Variants in HECTD4 observed in about 807,000 individuals in gnomAD.
HECTD4 encodes the protein probable E3 ubiquitin-protein ligase HECTD4.
Under a neutral mutation model 471.5 loss-of-function variants are expected in HECTD4, and 114 were observed. That is an observed-to-expected ratio of 0.24 (90% CI 0.21 to 0.28). The LOEUF (loss-of-function observed/expected upper bound fraction) is 0.28. HECTD4 is among the 10% of genes least tolerant of loss of function. The pLI is 1.00. For synonymous variants in HECTD4, 2,012 were observed against 2,256.0 expected (o/e 0.89, Z 3.07); for missense variants, 3,866 against 5,651.5 (o/e 0.68, Z 10.13).
At chr12:112,275,055 C>T in intron 9 of HECTD4, 95 bp from the exon 10 acceptor site, 1 of 735,524 alleles carries the variant, frequency 1.4e-6, no homozygotes, top group Non-Finnish European at 2.2e-6. Context: ...AAAAATCACA[C>T]CCTTTTCTTG....
chr12:112,334,637 CAAAAAAAAAAA>C (rs869292531), intron 1 of HECTD4, among the ~76,000 whole-genome samples: 1 of 45,278 alleles, frequency 2.2e-5, no homozygotes, highest in Admixed American at 2.9e-4. Flanking sequence ...ACTAAAAATA[CAAAAAAAAAAA>C]AAAAAAAAAA....
intron 1 of HECTD4, among the ~76,000 whole-genome samples, chr12:112,375,691 C>CA (rs2036762881): frequency 6.6e-6 from 1 of 152,064 alleles, no homozygotes; most frequent in African/African-American, 2.4e-5. Flanking sequence ...AAATGCAATG[C>CA]AAAATGCAAT....
chr12:112,264,151 A>C lies in HECTD4; in HGVS notation c.2681T>G (p.Ile894Ser). The C allele has an allele frequency of 1.2e-6, 2 of 1,607,922 alleles. No individual in the cohort carries two copies. Among genetic ancestry groups the C allele is most frequent in the Non-Finnish European group, 1.7e-6 (2 of 1,177,084 alleles). Residue 894 changes from isoleucine (I) to serine (S), a missense_variant, in exon 17 of 76, where the codon ATT becomes AGT. Ile to Ser is a moderately radical substitution (Grantham distance 142). Coordinates refer to ENST00000682272, the MANE Select transcript of HECTD4 (RefSeq NM_001388303.1). ...AVQNHLLSNT[I>S]LIKPDENDDS... is the part of the protein sequence containing the mutation. ...ATCATTCTCATCAGGTTTAATCAAAATAGTGTTACTGAGAAGGTGATTCTG... is the reference window on the plus strand; with the variant it reads ...ATCATTCTCATCAGGTTTAATCAAACTAGTGTTACTGAGAAGGTGATTCTG...
At chr12:112,343,488 G>C (rs73209613) in intron 1 of HECTD4, among the ~76,000 whole-genome samples, 4,215 of 152,270 alleles carry the variant, frequency 0.028, 79 homozygotes, top group Non-Finnish European at 0.045. Flanking sequence ...AAAAAACTGA[G>C]GCTGTGCATG....
At chr12:112,230,928 A>T in intron 39 of HECTD4, 106 bp from the exon 40 acceptor site, 1 of 1,037,234 alleles carries the variant, frequency 9.6e-7, no homozygotes, top group Non-Finnish European at 1.4e-6. Context: ...TTTTTATACA[A>T]GAAAAAGTGG....
intron 7 of HECTD4, among the ~76,000 whole-genome samples, chr12:112,293,294 G>T (rs1240725429): frequency 6.6e-6 from 1 of 151,280 alleles, no homozygotes; most frequent in Non-Finnish European, 1.5e-5. Context: ...GAACATGGGA[G>T]GCGGAGGTTG....
At position 112,183,380 on chromosome 12, in the gene HECTD4, T is replaced by A; in HGVS notation, c.10780-114A>T. The A allele has an allele frequency of 3.6e-6, 3 of 831,148 alleles. No individual in the cohort carries two copies. The South Asian group carries it at 4.8e-5, about 13-fold the overall frequency. The allele number at this position is 831,148 out of a possible 1,614,324, so 51.5% of individuals were successfully genotyped here. On this transcript the variant is annotated intron_variant, in intron 61 of 75. Coordinates refer to ENST00000682272, the MANE Select transcript of HECTD4 (RefSeq NM_001388303.1). ...AACCCTCTATTCATCTGCAGAGATG[T>A]GAAAGCTGCCCTACTCTGGTGAGCT... is the stretch of plus-strand genomic sequence containing the variant.
chr12:112,282,313 G>A (rs1285411452), intron 8 of HECTD4, among the ~76,000 whole-genome samples: 1 of 152,118 alleles, frequency 6.6e-6, no homozygotes, highest in Non-Finnish European at 1.5e-5. Context: ...AACCTGGGAG[G>A]CGGAGCTTGC....
Position 112,163,372 on chromosome 12 carries a change from G to A in HECTD4, c.12898-108C>T, listed in dbSNP as rs145874584. 249 of 1,127,826 alleles carry A rather than the reference G, an allele frequency of 2.2e-4. 4 individuals are homozygous for A. The East Asian group carries it at 4.9e-3, about 22-fold the overall frequency. 69.9% of individuals were successfully genotyped at this position (1,127,826 alleles called of 1,614,324 possible). The stretch of plus-strand genomic sequence containing the variant: ...GCCCAATCCTGGGGCAGGGTGCAAC[G>A]TGTGGGCTGTGAGCACAGGGAGATG... On this transcript the variant is annotated intron_variant, in intron 74 of 75. Coordinates refer to ENST00000682272, the MANE Select transcript of HECTD4 (RefSeq NM_001388303.1). The surrounding 1 kb of genome is among the most constrained non-coding windows in gnomAD (Gnocchi z 8.2).
chr12:112,325,873 TG>T (rs2035732312), intron 1 of HECTD4, among the ~76,000 whole-genome samples: 1 of 150,974 alleles, frequency 6.6e-6, no homozygotes. Flanking sequence ...TCACCCAGGC[TG>T]CTGGAGTGCA....
At chr12:112,254,495 T>C (rs973351660) in intron 21 of HECTD4, among the ~76,000 whole-genome samples, 1 of 152,238 alleles carries the variant, frequency 6.6e-6, no homozygotes, top group African/African-American at 2.4e-5. Flanking sequence ...GAAATAGCTA[T>C]TTTAATGCTA....
Position 112,320,530 on chromosome 12 carries a change from T to A in HECTD4, c.178-788A>T, listed in dbSNP as rs1470050667. Among the ~76,000 whole-genome samples, 6 of 151,822 alleles carry A rather than the reference T, an allele frequency of 4.0e-5. No homozygotes were observed. The East Asian group carries it at 1.2e-3, about 29-fold the overall frequency. The stretch of plus-strand genomic sequence containing the variant: ...CTGGCCAACATGGTGAAACACCATC[T>A]CTACTAAAAATACAAAAAAAATTAG... On this transcript the variant is annotated intron_variant, in intron 1 of 75. Transcript: ENST00000682272.
intron 44 of HECTD4, among the ~76,000 whole-genome samples, chr12:112,222,414 C>T (rs2033122793): frequency 6.6e-6 from 1 of 152,156 alleles, no homozygotes; most frequent in African/African-American, 2.4e-5. Context: ...TACCTGTAAT[C>T]CCAGCACTTT....
intron 1 of HECTD4, among the ~76,000 whole-genome samples, chr12:112,347,047 A>T (rs1487268679): frequency 6.6e-6 from 1 of 152,130 alleles, no homozygotes; most frequent in African/African-American, 2.4e-5. Flanking sequence ...TGGCCTTCTA[A>T]CTACAGTTTG....
intron 1 of HECTD4, among the ~76,000 whole-genome samples, chr12:112,334,207 TTAAATAAATAAA>T (rs35774693): frequency 8.5e-4 from 121 of 142,708 alleles, no homozygotes; most frequent in Middle Eastern, 3.5e-3. Context: ...AGACTCCCTC[TTAAATAAATAAA>T]TAAATAAATA....
In HECTD4 at chr12:112,241,653, T is replaced by C. The variant is rs148491939; in HGVS notation, c.4959-1626A>G. Reference sequence around the variant, plus strand: ...TTTTTTCCTTTTTGTAGAGACAGGGTCTCACTATATTGCCCAGGCTGGTCT... The same window carrying C: ...TTTTTTCCTTTTTGTAGAGACAGGGCCTCACTATATTGCCCAGGCTGGTCT... On this transcript the variant is annotated intron_variant, in intron 32 of 75. Transcript: ENST00000682272. Among the ~76,000 whole-genome samples, 402 of 152,114 alleles carry C rather than the reference T, an allele frequency of 2.6e-3. 4 individuals are homozygous for C. Among genetic ancestry groups the C allele is most frequent in the African/African-American group, 8.3e-3 (343 of 41,500 alleles).
In HECTD4 at chr12:112,193,534, G is replaced by T. The variant is rs753363132; in HGVS notation, c.8890C>A (p.Arg2964=). 5.2e-5 allele frequency: 84 copies of T among 1,612,456 alleles called. No homozygotes were observed. Among genetic ancestry groups the T allele is most frequent in the Non-Finnish European group, 7.0e-5 (82 of 1,179,372 alleles). The stretch of plus-strand genomic sequence containing the variant: ...CTCTCCTCGCCCTGGTGCAGGGTCC[G>T]GGTGATGGCCACGTTGAGCCACTCT... ...VREWLNVAIT[R]TLHQGEESLL... The change falls in exon 57 of 76, where the codon CGG becomes AGG. Residue 2964 remains arginine (R), a synonymous_variant. Transcript: ENST00000682272. The surrounding 1 kb of genome is among the most constrained non-coding windows in gnomAD (Gnocchi z 5.2).
In HECTD4 at chr12:112,176,836, G is replaced by A. The variant is rs529345847; in HGVS notation, c.11364-134C>T. 608 of 677,790 alleles carry A rather than the reference G, an allele frequency of 9.0e-4. 7 individuals are homozygous for A. In the African/African-American group the frequency reaches 9.5e-3, roughly 11 times the overall value. The allele number at this position is 677,790 out of a possible 1,614,324, so 42.0% of individuals were successfully genotyped here. A position where few individuals can be genotyped will look rare whatever the true frequency, so the allele number is the denominator to read the frequency against. On this transcript the variant is annotated intron_variant, in intron 64 of 75. Coordinates refer to ENST00000682272, the MANE Select transcript of HECTD4 (RefSeq NM_001388303.1). ...CTTAGGGCTCAGATAGGGCGGGGGC[G>A]TTCAAGACCGCCTTTGTTCTGAGTG...
intron 49 of HECTD4, among the ~76,000 whole-genome samples, chr12:112,212,243 G>C (rs934816721): frequency 2.6e-5 from 4 of 152,150 alleles, no homozygotes; most frequent in Admixed American, 1.3e-4. Flanking sequence ...TCTGGGAAAG[G>C]TTGCTAAAAA....
Sources: allele counts gnomAD v4.1 joint callset (sites outside exome capture counted in the v4.1 genomes callset), GRCh38; gene constraint gnomAD v4.1.1; non-coding constraint Gnocchi (gnomAD v3.1); transcripts MANE v1.5; gene names NCBI Gene and HGNC (gene_info 2026-07-23, HGNC 2026-07-21).